IL17B: variants seen among roughly 807,000 people sequenced by gnomAD.
IL17B encodes interleukin 17B.
Under a neutral mutation model 14.7 loss-of-function variants are expected in IL17B, and 14 were observed. The observed-to-expected ratio is 0.95, with a 90% confidence interval of 0.63 to 1.49. The LOEUF (loss-of-function observed/expected upper bound fraction) is 1.49. Ranked by LOEUF, IL17B falls within the 40% of genes most tolerant of loss-of-function variation. The probability of loss-of-function intolerance (pLI) is 0.00; values close to 1 mark genes in which losing one functional copy is unlikely to be tolerated. For synonymous variants in IL17B, 105 were observed against 94.8 expected (o/e 1.11, Z -0.62); for missense variants, 233 against 252.8 (o/e 0.92, Z 0.53).
intron 1 of IL17B, among the ~76,000 whole-genome samples, chr5:149,393,527 G>A (rs577536693): frequency 5.9e-5 from 9 of 152,264 alleles, no homozygotes; most frequent in Middle Eastern, 3.4e-3. Context: ...ACATGAGTGC[G>A]TTAATTCCTG....
intron 1 of IL17B, among the ~76,000 whole-genome samples, chr5:149,401,215 A>T (rs1045461682): frequency 5.9e-5 from 9 of 152,224 alleles, no homozygotes; most frequent in Admixed American, 1.3e-4. Flanking sequence ...TCCTAATTGC[A>T]TAAGCTTCCG....
intron 2 of IL17B, among the ~76,000 whole-genome samples, chr5:149,376,067 G>A (rs902913183): frequency 3.3e-5 from 5 of 152,208 alleles, no homozygotes; most frequent in Admixed American, 6.5e-5. Context: ...CTCTGGCCTG[G>A]GTTTGTGAGT....
At chr5:149,399,574 C>G (rs1759168548) in intron 1 of IL17B, among the ~76,000 whole-genome samples, 1 of 152,040 alleles carries the variant, frequency 6.6e-6, no homozygotes, top group African/African-American at 2.4e-5. Flanking sequence ...GAAGTTAGTT[C>G]CCAGCATGTG....
At chr5:149,384,761 T>G (rs1224204182) in intron 1 of IL17B, among the ~76,000 whole-genome samples, 1 of 152,138 alleles carries the variant, frequency 6.6e-6, no homozygotes, top group African/African-American at 2.4e-5. Context: ...TCTAGCACTT[T>G]CTAACTGCCA....
At chr5:149,392,987 TGCGTGTGTGTGC>T (rs1561716992) in intron 1 of IL17B, among the ~76,000 whole-genome samples, 1 of 121,218 alleles carries the variant, frequency 8.2e-6, no homozygotes, top group East Asian at 2.1e-4. Context: ...CGTGTGTGTG[TGCGTGTGTGTGC>T]TGCGTGTGTG....
chr5:149,386,190 T>G (rs1758825058), intron 1 of IL17B, among the ~76,000 whole-genome samples: 1 of 152,112 alleles, frequency 6.6e-6, no homozygotes, highest in African/African-American at 2.4e-5. Context: ...ATGTGTGTGT[T>G]TTGTTATTGT....
At chr5:149,377,519 G>A (rs996084164) in intron 1 of IL17B, among the ~76,000 whole-genome samples, 3 of 152,226 alleles carry the variant, frequency 2.0e-5, no homozygotes, top group Admixed American at 2.0e-4. Context: ...CCGTGTCTGC[G>A]TGATGCATTC....
intron 1 of IL17B, among the ~76,000 whole-genome samples, chr5:149,400,051 G>A (rs1488345909): frequency 2.6e-5 from 4 of 152,060 alleles, no homozygotes; most frequent in Admixed American, 6.6e-5. Context: ...ACATGTTTAG[G>A]GTTGAACTAT....
At chr5:149,397,880 T>C (rs575341599) in intron 1 of IL17B, among the ~76,000 whole-genome samples, 1 of 152,312 alleles carries the variant, frequency 6.6e-6, no homozygotes, top group Admixed American at 6.5e-5. Context: ...CAGAAAAGTC[T>C]GTCCCAGCTC....
chr5:149,394,629 AG>A (rs1759055201), intron 1 of IL17B, among the ~76,000 whole-genome samples: 2 of 152,370 alleles, frequency 1.3e-5, no homozygotes, highest in African/African-American at 4.8e-5. Flanking sequence ...ACTGTATTAC[AG>A]GGATAGATTA....
At position 149,403,025 on chromosome 5, in the gene IL17B, A is replaced by C. The variant is rs1464876534; in HGVS notation, n.95+1083T>G. On this transcript the variant is annotated intron_variant and non_coding_transcript_variant, in intron 1 of 2. Transcript: ENST00000505432. ...CTCAAAAAAAAAAAAAAAAAAAAAA[A>C]CTCAATAGCAAGTTGTAGACAGTTT... is the stretch of plus-strand genomic sequence containing the variant. Among the ~76,000 whole-genome samples, 6 of 144,158 alleles carry C rather than the reference A, an allele frequency of 4.2e-5. No individual in the cohort carries two copies. The East Asian group carries it at 9.8e-4, about 23-fold the overall frequency. 94.6% of individuals were successfully genotyped at this position (144,158 alleles called of 152,430 possible). A position where few individuals can be genotyped will look rare whatever the true frequency, so the allele number is the denominator to read the frequency against.
chr5:149,380,198 T>C (rs1758654797), upstream of IL17B, among the ~76,000 whole-genome samples: 2 of 152,190 alleles, frequency 1.3e-5, no homozygotes, highest in Admixed American at 1.3e-4. Flanking sequence ...GAAATCTTTC[T>C]GAGCCTCAGT....
chr5:149,390,583 G>A (rs1172192320), intron 1 of IL17B, among the ~76,000 whole-genome samples: 1 of 78,724 alleles, frequency 1.3e-5, no homozygotes, highest in Non-Finnish European at 2.5e-5. Context: ...CCATCCCTGA[G>A]TTAGCACACA....
intron 1 of IL17B, among the ~76,000 whole-genome samples, chr5:149,392,880 G>A (rs1203558368): frequency 6.6e-6 from 1 of 152,090 alleles, no homozygotes; most frequent in African/African-American, 2.4e-5. Context: ...TACCCTCTAA[G>A]GCTGAAACAA....
chr5:149,403,406 TA>T (rs1251380278), intron 1 of IL17B, among the ~76,000 whole-genome samples: 3 of 152,130 alleles, frequency 2.0e-5, no homozygotes, highest in Non-Finnish European at 4.4e-5. Context: ...CTTTCCATGG[TA>T]TGATGCTTTT....
At chr5:149,388,559 CTT>C (rs753235816) in intron 1 of IL17B, among the ~76,000 whole-genome samples, 6 of 152,220 alleles carry the variant, frequency 3.9e-5, no homozygotes, top group Non-Finnish European at 5.9e-5. Flanking sequence ...CAAACTGACT[CTT>C]TGCGAATATA....
intron 1 of IL17B, among the ~76,000 whole-genome samples, chr5:149,384,928 A>AGAT (rs1199482547): frequency 8.1e-6 from 1 of 123,156 alleles, no homozygotes; most frequent in African/African-American, 3.1e-5. Context: ...TTTTTTTTTG[A>AGAT]GATGGAGTCT....
At chr5:149,382,834 G>A (rs1047533335), upstream of IL17B, among the ~76,000 whole-genome samples, 3 of 152,216 alleles carry the variant, frequency 2.0e-5, no homozygotes, top group Admixed American at 6.5e-5. Flanking sequence ...AAGGGGATCC[G>A]AGAGCTCCCA....
At chr5:149,393,040 CGT>C (rs1283821155) in intron 1 of IL17B, among the ~76,000 whole-genome samples, 1 of 151,542 alleles carries the variant, frequency 6.6e-6, no homozygotes, top group Admixed American at 6.6e-5. Context: ...CGTGTGTGTG[CGT>C]GTGTGTGCGC....
Sources: gnomAD v4.1 joint callset for allele counts (sites outside exome capture counted in the v4.1 genomes callset) on GRCh38, gnomAD v4.1.1 for gene constraint, MANE v1.5 for transcripts, NCBI Gene and HGNC (gene_info 2026-07-23, HGNC 2026-07-21) for gene names.